Variants in WDR4 observed in about 807,000 individuals in gnomAD.
The protein encoded by WDR4 is WDR4 tRNA N7-guanosine methyltransferase non-catalytic subunit, also known as tRNA (guanine-N(7)-)-methyltransferase non-catalytic subunit WDR4.
Under a neutral mutation model 48.6 loss-of-function variants are expected in WDR4, and 47 were observed. The ratio of observed to expected loss-of-function variants is 0.97; its 90% CI spans 0.77 to 1.23. WDR4 has a LOEUF of 1.23. Among genes scored for constraint, WDR4 ranks in the 50% most tolerant of loss-of-function variants. WDR4 has a pLI of 0.00. For synonymous variants in WDR4, 268 were observed against 230.0 expected (o/e 1.17, Z -1.49); for missense variants, 606 against 551.6 (o/e 1.10, Z -0.99).
upstream of WDR4, among the ~76,000 whole-genome samples, chr21:42,884,329 T>C (rs1342913190): frequency 3.0e-4 from 45 of 151,828 alleles, 1 homozygote; most frequent in Admixed American, 2.9e-3. Flanking sequence ...ACCTGGGAGG[T>C]AGAGGTTGCA....
At chr21:42,866,145 T>G (rs1305476868) in intron 3 of WDR4, among the ~76,000 whole-genome samples, 3 of 152,126 alleles carry the variant, frequency 2.0e-5, no homozygotes, top group Admixed American at 2.0e-4. Context: ...TCAAAATCAA[T>G]GTATCACTCG....
At chr21:42,852,127 A>G in intron 10 of WDR4, 128 bp downstream of exon 10, 1 of 962,532 alleles carries the variant, frequency 1.0e-6, no homozygotes, top group Non-Finnish European at 1.6e-6. Context: ...CTGGATGGGG[A>G]CACACGCTTA....
intron 7 of WDR4, among the ~76,000 whole-genome samples, chr21:42,855,288 C>T (rs547423566): frequency 1.6e-4 from 24 of 152,292 alleles, no homozygotes; most frequent in Non-Finnish European, 2.5e-4. Flanking sequence ...GACCGTTTGG[C>T]GGGAAACTTT....
upstream of WDR4, among the ~76,000 whole-genome samples, chr21:42,882,453 C>T (rs1032033623): frequency 1.3e-5 from 2 of 150,790 alleles, no homozygotes; most frequent in Non-Finnish European, 3.0e-5. Flanking sequence ...ATCCCAGCTA[C>T]TCAGAAGGCT....
At chr21:42,889,656 C>T in the WDR4 span, among the ~76,000 whole-genome samples, 2 of 152,192 alleles carry the variant, frequency 1.3e-5, no homozygotes, top group Non-Finnish European at 2.9e-5. Context: ...CTAGAGATAT[C>T]CTTTACTTGA....
intron 2 of WDR4, among the ~76,000 whole-genome samples, chr21:42,876,350 A>T (rs2058492727): frequency 6.6e-6 from 1 of 151,670 alleles, no homozygotes; most frequent in African/African-American, 2.4e-5. Flanking sequence ...AGTAGACGGG[A>T]TTACAGGTGC....
intron 1 of WDR4, among the ~76,000 whole-genome samples, chr21:42,877,006 G>A (rs986025658): frequency 6.6e-6 from 1 of 151,748 alleles, no homozygotes; most frequent in Admixed American, 6.6e-5. Context: ...TTGTAGAAAC[G>A]GGGTTTCTCC....
chr21:42,885,885 G>A, the WDR4 span, among the ~76,000 whole-genome samples: 4 of 151,878 alleles, frequency 2.6e-5, no homozygotes, highest in East Asian at 3.9e-4. Flanking sequence ...TTGTAGAGAC[G>A]GGGGTCTTGT....
At chr21:42,879,547 T>C (rs11911955), upstream of WDR4, 27 of 1,595,694 alleles carry the variant, frequency 1.7e-5, no homozygotes, top group Non-Finnish European at 2.3e-5. Flanking sequence ...AGCCTCTTCC[T>C]GTCCGCACCG....
chr21:42,885,606 T>TA, the WDR4 span, among the ~76,000 whole-genome samples: 1 of 97,934 alleles, frequency 1.0e-5, no homozygotes, highest in Non-Finnish European at 2.0e-5. Flanking sequence ...CAAAACTCCA[T>TA]CAAAAAAAAA....
intron 10 of WDR4, among the ~76,000 whole-genome samples, chr21:42,850,762 G>A (rs1463670175): frequency 3.3e-5 from 5 of 152,222 alleles, no homozygotes; most frequent in Non-Finnish European, 5.9e-5. Context: ...AGTAAGGGTG[G>A]GGTGCCTTAA....
At chr21:42,850,364 G>A (rs887524766) in intron 10 of WDR4, 122 bp from the exon 11 acceptor site, 7 of 909,646 alleles carry the variant, frequency 7.7e-6, no homozygotes. Flanking sequence ...TGGACCGTGG[G>A]GGGCGCCTTC....
At chr21:42,870,063 T>C (rs1013170365) in intron 3 of WDR4, among the ~76,000 whole-genome samples, 2 of 149,808 alleles carry the variant, frequency 1.3e-5, no homozygotes, top group African/African-American at 2.5e-5. Flanking sequence ...TCAAGAAAAC[T>C]GCTGTAGCTG....
intron 3 of WDR4, among the ~76,000 whole-genome samples, chr21:42,870,513 C>A (rs1388409319): frequency 1.3e-5 from 2 of 152,136 alleles, no homozygotes; most frequent in Non-Finnish European, 2.9e-5. Flanking sequence ...CCAGGCCAGG[C>A]GCAGTGGCTC....
At chr21:42,859,524 G>A in intron 6 of WDR4, 138 bp downstream of exon 6, 1 of 870,042 alleles carries the variant, frequency 1.1e-6, no homozygotes, top group Non-Finnish European at 1.8e-6. Flanking sequence ...CGAGCCGCAG[G>A]CAGCTCTAAG....
Position 42,853,900 on chromosome 21 carries a change from C to T in WDR4, c.792-148G>A, listed in dbSNP as rs548314950. ...CCCCAGCTGCGCCACTCCCAAATGC[C>T]GGCGCCGGGGAAACCATGGGGTGAC... On this transcript the variant is annotated intron_variant, in intron 8 of 10. Coordinates refer to ENST00000398208, the MANE Select transcript of WDR4 (RefSeq NM_018669.6). 19 of 869,506 alleles carry T rather than the reference C, an allele frequency of 2.2e-5. No homozygotes were observed. In the East Asian group the frequency reaches 3.7e-4, roughly 17 times the overall value. The allele number at this position is 869,506 out of a possible 1,614,324, so 53.9% of individuals were successfully genotyped here.
chr21:42,865,687 G>A lies in WDR4; in HGVS notation c.297-2091C>T, dbSNP rs139600385. 2.9e-3 allele frequency among the ~76,000 whole-genome samples: 436 copies of A among 152,144 alleles called. 1 individual carries two copies. The highest frequency in any genetic ancestry group is 9.8e-3 in the African/African-American group (407 of 41,490). Reference sequence around the variant, plus strand: ...CAGGTCACTGGACCAATGGCAAGCCGGCCTGTCACCCTAGCTGAGGCACAA... The same window carrying A: ...CAGGTCACTGGACCAATGGCAAGCCAGCCTGTCACCCTAGCTGAGGCACAA... On this transcript the variant is annotated intron_variant, in intron 3 of 10. Coordinates refer to ENST00000398208, the MANE Select transcript of WDR4 (RefSeq NM_018669.6).
In WDR4 at chr21:42,873,617, G is replaced by A. The variant is rs1315490686; in HGVS notation, c.230C>T (p.Ala77Val). Residue 77 changes from alanine to valine, a missense_variant, in exon 3 of 11, where the codon GCT becomes GTT. Physicochemically the swap from Ala to Val is moderately conservative, Grantham distance 64. Transcript: ENST00000398208. ...STFSKSGSYF[A>V]LTDDSKRLIL... ...CAGACGCTTACTGTCATCGGTTAAA[G>A]CAAAATAGCTGCCAGACTTGGAGAA... 20 of 1,614,194 alleles carry A rather than the reference G, an allele frequency of 1.2e-5. No individual in the cohort carries two copies. Among genetic ancestry groups the A allele is most frequent in the Admixed American group, 1.7e-5 (1 of 59,996 alleles).
downstream of WDR4, among the ~76,000 whole-genome samples, chr21:42,848,477 CACCT>C: frequency 1.4e-5 from 1 of 70,908 alleles, no homozygotes; most frequent in Non-Finnish European, 2.8e-5. Flanking sequence ...ACGCGGCGCA[CACCT>C]CACTCACACA....
Sources: allele counts gnomAD v4.1 joint callset (sites outside exome capture counted in the v4.1 genomes callset), GRCh38; gene constraint gnomAD v4.1.1; transcripts MANE v1.5; gene names NCBI Gene and HGNC (gene_info 2026-07-23, HGNC 2026-07-21).